SNX29: variants seen among roughly 807,000 people sequenced by gnomAD.
The protein encoded by SNX29 is sorting nexin-29.
A neutral mutation model predicts 102.1 loss-of-function variants in SNX29; 78 were observed. The observed-to-expected ratio is 0.76, with a 90% CI of 0.64 to 0.92. The LOEUF is 0.92. Among genes scored for constraint, SNX29 ranks in the 40% least tolerant of loss-of-function variants. The pLI is 0.00. For synonymous variants in SNX29, 580 were observed against 414.5 expected (o/e 1.40, Z -4.85); for missense variants, 1,280 against 1,061.7 (o/e 1.21, Z -2.86).
chr16:12,490,563 C>A (rs895102520), intron 19 of SNX29, among the ~76,000 whole-genome samples: 26 of 152,152 alleles, frequency 1.7e-4, no homozygotes, highest in Admixed American at 5.2e-4. Flanking sequence ...GGGATGAAAT[C>A]CTTAGGAATG....
intron 19 of SNX29, among the ~76,000 whole-genome samples, chr16:12,496,158 A>T (rs2088811155): frequency 6.6e-6 from 1 of 152,234 alleles, no homozygotes; most frequent in Non-Finnish European, 1.5e-5. Flanking sequence ...GACTTGCAGA[A>T]AGGTCACACT....
intron 18 of SNX29, among the ~76,000 whole-genome samples, chr16:12,458,772 C>T (rs2086643120): frequency 6.6e-6 from 1 of 152,138 alleles, no homozygotes; most frequent in South Asian, 2.1e-4. Flanking sequence ...TTCCTGCACA[C>T]GCCGCACACA....
At chr16:12,524,518 A>G (rs1341842461) in intron 19 of SNX29, among the ~76,000 whole-genome samples, 184 bp from the exon 20 acceptor site, 1 of 150,380 alleles carries the variant, frequency 6.6e-6, no homozygotes, top group Non-Finnish European at 1.5e-5. Context: ...TAATATCGTG[A>G]GCATCTTTCT....
chr16:12,076,130 A>C (rs908155491), intron 10 of SNX29, among the ~76,000 whole-genome samples: 1 of 152,100 alleles, frequency 6.6e-6, no homozygotes, highest in African/African-American at 2.4e-5. Context: ...GAGTGAGGCA[A>C]TGCCTCACCC....
chr16:12,500,717 G>A (rs1237806335), intron 19 of SNX29, among the ~76,000 whole-genome samples: 2 of 152,250 alleles, frequency 1.3e-5, no homozygotes, highest in African/African-American at 2.4e-5. Flanking sequence ...TGTCGGATGT[G>A]CAGATTTCAG....
chr16:12,541,841 G>C (rs1288436407), intron 20 of SNX29, among the ~76,000 whole-genome samples: 1 of 152,078 alleles, frequency 6.6e-6, no homozygotes, highest in Non-Finnish European at 1.5e-5. Flanking sequence ...TCTTCTCCCA[G>C]CTTTGTAGCA....
intron 20 of SNX29, among the ~76,000 whole-genome samples, chr16:12,566,011 C>G (rs2078989286): frequency 6.6e-6 from 1 of 152,158 alleles, no homozygotes; most frequent in Non-Finnish European, 1.5e-5. Context: ...CATGCCCAGC[C>G]CAGCATGGTG....
At chr16:12,213,549 C>T (rs1219635884) in intron 14 of SNX29, among the ~76,000 whole-genome samples, 12 of 152,140 alleles carry the variant, frequency 7.9e-5, no homozygotes, top group South Asian at 2.1e-4. Flanking sequence ...TGATGACACA[C>T]GCAAAGTAGC....
At chr16:12,100,308 C>T (rs1426993204) in intron 11 of SNX29, among the ~76,000 whole-genome samples, 1 of 152,166 alleles carries the variant, frequency 6.6e-6, no homozygotes, top group Non-Finnish European at 1.5e-5. Context: ...TGCGGTGTCT[C>T]TGGCCTCTAC....
At chr16:12,362,337 C>T (rs2082323840) in intron 16 of SNX29, among the ~76,000 whole-genome samples, 1 of 152,168 alleles carries the variant, frequency 6.6e-6, no homozygotes, top group Non-Finnish European at 1.5e-5. Context: ...TGGGTGAAAA[C>T]CCAGAGATCT....
intron 19 of SNX29, among the ~76,000 whole-genome samples, chr16:12,502,380 G>A (rs370747503): frequency 2.6e-5 from 4 of 152,258 alleles, no homozygotes; most frequent in East Asian, 3.9e-4. Flanking sequence ...TGAGTGATTC[G>A]GGGAATGGCT....
chr16:12,549,243 C>G (rs957258837), intron 20 of SNX29, among the ~76,000 whole-genome samples: 1 of 152,190 alleles, frequency 6.6e-6, no homozygotes, highest in Non-Finnish European at 1.5e-5. Context: ...TCCCTGTAAT[C>G]CCAGCACTTT....
intron 18 of SNX29, among the ~76,000 whole-genome samples, chr16:12,411,580 G>C (rs1470731211): frequency 6.6e-6 from 1 of 152,166 alleles, no homozygotes; most frequent in Non-Finnish European, 1.5e-5. Flanking sequence ...CCAGTATAAA[G>C]CCTTTATTCG....
chr16:12,544,064 T>G (rs2141277101), intron 20 of SNX29, among the ~76,000 whole-genome samples: 1 of 152,258 alleles, frequency 6.6e-6, no homozygotes, highest in African/African-American at 2.4e-5. Context: ...GGAATCACAT[T>G]GGTAGGGGTA....
chr16:12,525,772 T>G (rs141954033), intron 20 of SNX29, among the ~76,000 whole-genome samples: 1 of 144,096 alleles, frequency 6.9e-6, no homozygotes, highest in Non-Finnish European at 1.5e-5. Context: ...GCTGCTGTTT[T>G]CAAGAAAGCT....
intron 16 of SNX29, among the ~76,000 whole-genome samples, chr16:12,365,071 G>A (rs1030431095): frequency 6.6e-6 from 1 of 152,094 alleles, no homozygotes; most frequent in African/African-American, 2.4e-5. Context: ...TCACCCAAAG[G>A]CACACAGCTT....
At chr16:12,536,604 C>G (rs377107659) in intron 20 of SNX29, among the ~76,000 whole-genome samples, 4 of 152,158 alleles carry the variant, frequency 2.6e-5, no homozygotes, top group African/African-American at 7.2e-5. Context: ...AACGCACTAA[C>G]TAGTTTGGCT....
chr16:12,456,940 C>T (rs571464748), intron 18 of SNX29, among the ~76,000 whole-genome samples: 1 of 152,264 alleles, frequency 6.6e-6, no homozygotes, highest in South Asian at 2.1e-4. Flanking sequence ...AGAGAGAACA[C>T]TGTGCATCTC....
intron 14 of SNX29, among the ~76,000 whole-genome samples, chr16:12,261,562 G>A (rs1220904930): frequency 7.6e-6 from 1 of 131,166 alleles, no homozygotes; most frequent in Non-Finnish European, 1.6e-5. Context: ...TTTGCTCTGA[G>A]CTTCGGTCTG....
Sources: gnomAD v4.1 joint callset for allele counts (sites outside exome capture counted in the v4.1 genomes callset) on GRCh38, gnomAD v4.1.1 for gene constraint, MANE v1.5 for transcripts, NCBI Gene and HGNC (gene_info 2026-07-23, HGNC 2026-07-21) for gene names.